Variants in GABRG3 observed in about 807,000 individuals in gnomAD.
The protein encoded by GABRG3 is gamma-aminobutyric acid receptor subunit gamma-3.
Under a neutral mutation model 48.8 loss-of-function variants are expected in GABRG3, and 25 were observed. The observed-to-expected ratio is 0.51, with a 90% CI of 0.37 to 0.72. The LOEUF (loss-of-function observed/expected upper bound fraction) is 0.72, where lower values mean the gene tolerates loss of function less well. Ranked by LOEUF, GABRG3 falls within the 30% of genes least tolerant of loss-of-function variation. The probability of loss-of-function intolerance (pLI) is 0.00; values close to 1 mark genes in which losing one functional copy is unlikely to be tolerated. For missense variants in GABRG3, 394 were observed against 577.9 expected, an observed-to-expected ratio of 0.68 and a Z score of 3.26; for synonymous variants, 227 against 217.6, an observed-to-expected ratio of 1.04 and a Z score of -0.38.
In GABRG3 at chr15:27,326,939, G is replaced by A. The variant is rs1217297896; in HGVS notation, c.401G>A (p.Arg134His). Residue 134 changes from arginine to histidine, a missense_variant, in exon 4 of 10, where the codon CGC (arginine) becomes CAC (histidine). Coordinates refer to ENST00000615808, the MANE Select transcript of GABRG3 (RefSeq NM_033223.5). Reference protein sequence around the residue: ...GLIWIPDTIFRNSKTAEAHWI... With the variant: ...GLIWIPDTIFHNSKTAEAHWI... ...ATCTGGATCCCAGACACCATCTTCC[G>A]CAATTCTAAAACCGCAGAGGCTCAC... The A allele has an allele frequency of 2.1e-5, 34 of 1,613,942 alleles. No individual in the cohort carries two copies. Among genetic ancestry groups the A allele is most frequent in the East Asian group, 4.5e-5 (2 of 44,870 alleles).
At chr15:27,210,754 G>A (rs1451668267) in intron 3 of GABRG3, among the ~76,000 whole-genome samples, 4 of 152,214 alleles carry the variant, frequency 2.6e-5, no homozygotes, top group Non-Finnish European at 5.9e-5. Flanking sequence ...AACACCCCAT[G>A]AAGATTCGAG....
intron 3 of GABRG3, among the ~76,000 whole-genome samples, chr15:27,237,675 C>T (rs552195328): frequency 6.6e-6 from 1 of 152,322 alleles, no homozygotes; most frequent in Non-Finnish European, 1.5e-5. Flanking sequence ...AGAGAAGCAA[C>T]AGTGCATGGT....
At chr15:27,530,097 T>C (rs1045305765) in intron 9 of GABRG3, among the ~76,000 whole-genome samples, 2 of 151,950 alleles carry the variant, frequency 1.3e-5, no homozygotes, top group Non-Finnish European at 2.9e-5. Context: ...CCGTTACCAA[T>C]AGAAAGAAGC....
intron 3 of GABRG3, among the ~76,000 whole-genome samples, chr15:27,149,282 C>A (rs1396307106): frequency 6.6e-6 from 1 of 150,978 alleles, no homozygotes; most frequent in South Asian, 2.1e-4. Context: ...ATAAATTTAA[C>A]AAAATAAGTA....
At chr15:27,470,065 T>G (rs933517685) in intron 5 of GABRG3, among the ~76,000 whole-genome samples, 2 of 152,140 alleles carry the variant, frequency 1.3e-5, no homozygotes, top group African/African-American at 4.8e-5. Context: ...AACTTGCACA[T>G]CAGTACTTAT....
intron 3 of GABRG3, chr15:27,280,211 G>T (rs1009057860): frequency 1.3e-5 from 2 of 151,724 alleles, no homozygotes; most frequent in African/African-American, 4.8e-5. Flanking sequence ...TAAGGTAGGA[G>T]CTTAGATTAT....
At chr15:27,519,850 T>TA (rs1436176779) in intron 6 of GABRG3, 122 bp from the exon 7 acceptor site, 9 of 698,236 alleles carry the variant, frequency 1.3e-5, no homozygotes, top group Non-Finnish European at 2.1e-5. Context: ...CCTGATTTGA[T>TA]ATTGTTGTAG....
At chr15:27,200,347 AC>A (rs1431409432) in intron 3 of GABRG3, among the ~76,000 whole-genome samples, 78 of 152,264 alleles carry the variant, frequency 5.1e-4, no homozygotes, top group African/African-American at 1.8e-3. Flanking sequence ...TAGAAACACT[AC>A]CTTCTCATTC....
chr15:27,240,990 G>A (rs1040707692), intron 3 of GABRG3, among the ~76,000 whole-genome samples: 3 of 152,138 alleles, frequency 2.0e-5, no homozygotes, highest in Non-Finnish European at 2.9e-5. Context: ...ACAAGATAAA[G>A]CCCTACCATC....
At chr15:26,972,654 A>G (rs760739722) in intron 1 of GABRG3, among the ~76,000 whole-genome samples, 3 of 152,168 alleles carry the variant, frequency 2.0e-5, no homozygotes, top group Non-Finnish European at 2.9e-5. Context: ...CCTGGCCACC[A>G]TCAGGAGGCA....
At chr15:27,092,175 C>T (rs986942049) in intron 3 of GABRG3, among the ~76,000 whole-genome samples, 7 of 152,116 alleles carry the variant, frequency 4.6e-5, no homozygotes, top group South Asian at 2.1e-4. Flanking sequence ...CCATTCACCC[C>T]GGGCTTCTGT....
chr15:27,397,893 C>T (rs1172932298), intron 5 of GABRG3, among the ~76,000 whole-genome samples: 2 of 151,684 alleles, frequency 1.3e-5, no homozygotes, highest in African/African-American at 2.4e-5. Context: ...CAAGCTCCGC[C>T]TCCCAGGTTC....
intron 6 of GABRG3, among the ~76,000 whole-genome samples, chr15:27,507,201 T>C (rs1890781114): frequency 6.6e-6 from 1 of 152,184 alleles, no homozygotes; most frequent in Non-Finnish European, 1.5e-5. Context: ...TGATTTATAT[T>C]CTTTTAAATA....
chr15:27,344,269 G>T (rs1335602315), intron 5 of GABRG3, among the ~76,000 whole-genome samples: 1 of 152,232 alleles, frequency 6.6e-6, no homozygotes, highest in Non-Finnish European at 1.5e-5. Context: ...CCAAGGCCCA[G>T]GCCTGGTTTA....
At chr15:26,987,777 T>A (rs898821549) in intron 2 of GABRG3, among the ~76,000 whole-genome samples, 1 of 152,234 alleles carries the variant, frequency 6.6e-6, no homozygotes, top group Non-Finnish European at 1.5e-5. Context: ...TTTGAGACGT[T>A]CTTTTCTAAT....
chr15:27,211,576 C>T (rs1889081968), intron 3 of GABRG3, among the ~76,000 whole-genome samples: 1 of 152,214 alleles, frequency 6.6e-6, no homozygotes, highest in Non-Finnish European at 1.5e-5. Context: ...AAATGACTAA[C>T]AGCTTAAGCT....
At chr15:27,505,581 A>G (rs1890741569) in intron 6 of GABRG3, among the ~76,000 whole-genome samples, 1 of 152,150 alleles carries the variant, frequency 6.6e-6, no homozygotes, top group Non-Finnish European at 1.5e-5. Context: ...TTAGTGTGTT[A>G]ATATGTTGAG....
intron 3 of GABRG3, among the ~76,000 whole-genome samples, chr15:27,080,528 G>A (rs757497904): frequency 3.9e-5 from 6 of 152,102 alleles, no homozygotes; most frequent in African/African-American, 7.2e-5. Context: ...CATGTATTCC[G>A]AGCTATTCAG....
chr15:27,432,053 G>A (rs1294808806), intron 5 of GABRG3, among the ~76,000 whole-genome samples: 1 of 152,086 alleles, frequency 6.6e-6, no homozygotes, highest in Non-Finnish European at 1.5e-5. Flanking sequence ...CTTATTTTAT[G>A]GCCTAGTCTA....
Sources: gnomAD v4.1 joint callset for allele counts (sites outside exome capture counted in the v4.1 genomes callset) on GRCh38, gnomAD v4.1.1 for gene constraint, MANE v1.5 for transcripts, NCBI Gene and HGNC (gene_info 2026-07-23, HGNC 2026-07-21) for gene names.